The following LRRC4C variants were observed in gnomAD, a reference collection of about 807,000 sequenced individuals.
The protein encoded by LRRC4C is leucine-rich repeat-containing protein 4C.
A neutral mutation model predicts 33.6 loss-of-function variants in LRRC4C; 5 were observed. The ratio of observed to expected loss-of-function variants is 0.15; its 90% CI spans 0.08 to 0.31. The LOEUF (loss-of-function observed/expected upper bound fraction) is 0.31, where lower values mean the gene tolerates loss of function less well. Among genes scored for constraint, LRRC4C ranks in the 10% least tolerant of loss-of-function variants. The pLI is 1.00. For missense variants in LRRC4C, 560 were observed against 796.7 expected (o/e 0.70, Z 3.58); for synonymous variants, 329 against 302.0 (o/e 1.09, Z -0.93).
chr11:41,313,194 A>G (rs1234005313), intron 1 of LRRC4C, among the ~76,000 whole-genome samples: 4 of 152,156 alleles, frequency 2.6e-5, no homozygotes, highest in Admixed American at 6.5e-5. Context: ...CTTGTATTCA[A>G]AGAAATGGGA....
At chr11:40,464,394 C>A (rs1179845162) in intron 3 of LRRC4C, among the ~76,000 whole-genome samples, 1 of 151,974 alleles carries the variant, frequency 6.6e-6, no homozygotes, top group Non-Finnish European at 1.5e-5. Flanking sequence ...AAATTGAAAG[C>A]TTTCCCCCAA....
intron 3 of LRRC4C, among the ~76,000 whole-genome samples, chr11:40,647,713 A>T (rs911359717): frequency 6.6e-6 from 1 of 152,204 alleles, no homozygotes; most frequent in African/African-American, 2.4e-5. Flanking sequence ...CATATTAATG[A>T]TTGAACCACT....
At chr11:41,040,011 C>T (rs530013191) in intron 1 of LRRC4C, among the ~76,000 whole-genome samples, 85 of 151,418 alleles carry the variant, frequency 5.6e-4, no homozygotes, top group African/African-American at 2.0e-3. Flanking sequence ...GGTGGCGGAC[C>T]CCTGTAGTCA....
At chr11:40,154,520 G>A (rs1311117374) in intron 5 of LRRC4C, among the ~76,000 whole-genome samples, 1 of 152,046 alleles carries the variant, frequency 6.6e-6, no homozygotes, top group Non-Finnish European at 1.5e-5. Context: ...GGTGGAAAAA[G>A]CAAATGAACA....
At chr11:41,224,195 C>A (rs1400850805) in intron 1 of LRRC4C, among the ~76,000 whole-genome samples, 1 of 152,138 alleles carries the variant, frequency 6.6e-6, no homozygotes, top group African/African-American at 2.4e-5. Context: ...GAAAAAGCCA[C>A]GTTTAGAGGG....
At chr11:41,005,249 A>T (rs1854660231) in intron 1 of LRRC4C, among the ~76,000 whole-genome samples, 1 of 152,158 alleles carries the variant, frequency 6.6e-6, no homozygotes, top group African/African-American at 2.4e-5. Context: ...ATGGGGGCAG[A>T]TGCCTCATGA....
intron 2 of LRRC4C, among the ~76,000 whole-genome samples, chr11:40,712,847 A>G (rs1337342031): frequency 2.0e-5 from 3 of 151,804 alleles, no homozygotes; most frequent in African/African-American, 7.3e-5. Context: ...ATTTCAATAG[A>G]TCGTTTGTTA....
intron 1 of LRRC4C, among the ~76,000 whole-genome samples, chr11:40,958,174 G>C (rs2136825581): frequency 6.6e-6 from 1 of 151,790 alleles, no homozygotes; most frequent in South Asian, 2.1e-4. Flanking sequence ...AGAACTGGGA[G>C]AAATAACTAT....
At chr11:40,626,914 A>G (rs1285454853) in intron 3 of LRRC4C, among the ~76,000 whole-genome samples, 1 of 152,122 alleles carries the variant, frequency 6.6e-6, no homozygotes, top group Admixed American at 6.6e-5. Flanking sequence ...ATGATAATCC[A>G]GATATCTTCT....
intron 1 of LRRC4C, among the ~76,000 whole-genome samples, chr11:41,110,042 C>T (rs1941738856): frequency 6.6e-6 from 1 of 151,986 alleles, no homozygotes; most frequent in South Asian, 2.1e-4. Context: ...GTTTATCTTC[C>T]TGAGGTTTTT....
At chr11:40,443,761 G>A (rs981500500) in intron 3 of LRRC4C, among the ~76,000 whole-genome samples, 6 of 152,044 alleles carry the variant, frequency 3.9e-5, no homozygotes, top group African/African-American at 9.7e-5. Context: ...TTTTAAAAAC[G>A]TATTTTCAAA....
intron 3 of LRRC4C, among the ~76,000 whole-genome samples, chr11:40,456,550 A>G (rs908838050): frequency 1.3e-5 from 2 of 152,104 alleles, no homozygotes; most frequent in Non-Finnish European, 2.9e-5. Flanking sequence ...AGAAGCTTCA[A>G]TGATTTCTAA....
At chr11:41,053,340 C>T (rs1034837807) in intron 1 of LRRC4C, among the ~76,000 whole-genome samples, 2 of 152,186 alleles carry the variant, frequency 1.3e-5, no homozygotes, top group Non-Finnish European at 2.9e-5. Flanking sequence ...GGAACTGAGA[C>T]CGGCTGCTGG....
intron 3 of LRRC4C, among the ~76,000 whole-genome samples, chr11:40,563,223 T>G (rs913795114): frequency 6.6e-6 from 1 of 152,158 alleles, no homozygotes; most frequent in Non-Finnish European, 1.5e-5. Context: ...TGAGATGAGT[T>G]TTTGGGATCC....
chr11:41,176,282 C>G (rs1415750131), intron 1 of LRRC4C, among the ~76,000 whole-genome samples: 2 of 151,976 alleles, frequency 1.3e-5, no homozygotes, highest in African/African-American at 2.4e-5. Flanking sequence ...TGGGAATACC[C>G]GAACCCAAAA....
At chr11:40,501,277 C>T (rs1053133919) in intron 3 of LRRC4C, among the ~76,000 whole-genome samples, 8 of 152,270 alleles carry the variant, frequency 5.3e-5, no homozygotes, top group East Asian at 1.9e-4. Flanking sequence ...TGCAACCTGT[C>T]GGTGGAGCTA....
chr11:40,875,331 G>C (rs992520863), intron 2 of LRRC4C, among the ~76,000 whole-genome samples: 13 of 152,166 alleles, frequency 8.5e-5, no homozygotes. Context: ...GGAACATTGA[G>C]TCAATATTTT....
intron 1 of LRRC4C, among the ~76,000 whole-genome samples, chr11:41,088,247 G>T (rs1202238865): frequency 6.6e-6 from 1 of 152,080 alleles, no homozygotes; most frequent in Non-Finnish European, 1.5e-5. Flanking sequence ...AGTTGATCCA[G>T]GTCTGAGTCT....
intron 4 of LRRC4C, among the ~76,000 whole-genome samples, chr11:40,315,477 T>G (rs1332848610): frequency 3.3e-5 from 5 of 151,874 alleles, no homozygotes; most frequent in Non-Finnish European, 5.9e-5. Context: ...TATGTAAAAT[T>G]ATTAATGTCA....
Sources: allele counts gnomAD v4.1 joint callset (sites outside exome capture counted in the v4.1 genomes callset), GRCh38; gene constraint gnomAD v4.1.1; transcripts MANE v1.5; gene names NCBI Gene and HGNC (gene_info 2026-07-23, HGNC 2026-07-21).